Variants in PDZD2 observed in about 807,000 individuals in gnomAD.
PDZD2 encodes the protein PDZ domain-containing protein 2.
A neutral mutation model predicts 220.7 loss-of-function variants in PDZD2; 90 were observed. The ratio of observed to expected loss-of-function variants is 0.41; its 90% CI spans 0.34 to 0.49. The LOEUF is 0.49. Ranked by LOEUF, PDZD2 falls within the 20% of genes least tolerant of loss-of-function variation. The pLI is 0.28. For synonymous variants in PDZD2, 1,375 were observed against 1,450.5 expected (o/e 0.95, Z 1.18); for missense variants, 3,174 against 3,608.5 (o/e 0.88, Z 3.08).
intron 2 of PDZD2, among the ~76,000 whole-genome samples, chr5:31,967,998 G>A (rs1472234003): frequency 3.3e-5 from 5 of 152,188 alleles, no homozygotes; most frequent in Non-Finnish European, 5.9e-5. Flanking sequence ...ATACACAACT[G>A]CTATAGACTG....
intron 1 of PDZD2, among the ~76,000 whole-genome samples, chr5:31,789,812 G>A (rs1481264804): frequency 2.6e-5 from 4 of 152,104 alleles, no homozygotes; most frequent in African/African-American, 4.8e-5. Flanking sequence ...CAGCTGCTTG[G>A]GAGGCTGAGG....
intron 14 of PDZD2, among the ~76,000 whole-genome samples, chr5:32,068,441 C>T (rs573065422): frequency 6.6e-6 from 1 of 152,354 alleles, no homozygotes; most frequent in Admixed American, 6.5e-5. Context: ...TCACCATGCA[C>T]ACTATTACAT....
At chr5:31,957,075 A>G (rs1581158149) in intron 2 of PDZD2, among the ~76,000 whole-genome samples, 3 of 152,136 alleles carry the variant, frequency 2.0e-5, no homozygotes, top group South Asian at 4.1e-4. Context: ...ATTAGGTGCA[A>G]AACAGTTCTG....
rs551255965 is a variant in PDZD2 at position 31,963,044 on chromosome 5, T to C, written c.477-20111T>C. Among the ~76,000 whole-genome samples the C allele has an allele frequency of 3.5e-3, 538 of 152,314 alleles. 2 individuals carry two copies. Among genetic ancestry groups the C allele is most frequent in the African/African-American group, 0.013 (526 of 41,568 alleles). On this transcript the variant is annotated intron_variant, in intron 2 of 24. Coordinates refer to ENST00000438447, the MANE Select transcript of PDZD2 (RefSeq NM_178140.4). ...ATTTCCTGCTGAGAACACTTGGTAA[T>C]GAAGTGAGTTCCTAGTACTCTAAAA... is the stretch of plus-strand genomic sequence containing the variant.
intron 1 of PDZD2, among the ~76,000 whole-genome samples, chr5:31,708,876 G>GT (rs760638995): frequency 1.3e-5 from 2 of 148,722 alleles, no homozygotes; most frequent in African/African-American, 5.0e-5. Flanking sequence ...CAGCAAATGT[G>GT]TTTTGTTTTT....
chr5:31,855,181 C>T, intron 2 of PDZD2: 1 of 905,332 alleles, frequency 1.1e-6, no homozygotes, highest in Non-Finnish European at 1.3e-6. Flanking sequence ...AGGAAATCGG[C>T]TTCTCAGGCG....
chr5:31,725,724 G>T, intron 1 of PDZD2: 1 of 878,304 alleles, frequency 1.1e-6, no homozygotes, highest in Non-Finnish European at 1.9e-6. Flanking sequence ...TGAGATGCAG[G>T]CCTGCAACGT....
intron 1 of PDZD2, among the ~76,000 whole-genome samples, chr5:31,694,629 A>G (rs1472222622): frequency 1.3e-5 from 2 of 152,082 alleles, no homozygotes; most frequent in Non-Finnish European, 2.9e-5. Context: ...TGGAGAGGAA[A>G]TGGGACTGGG....
intron 3 of PDZD2, among the ~76,000 whole-genome samples, chr5:31,993,992 GTTTA>G (rs138101923): frequency 0.018 from 2,809 of 152,138 alleles, 80 homozygotes; most frequent in African/African-American, 0.065. Flanking sequence ...ACATTGATTA[GTTTA>G]TTTATTTATT....
intron 1 of PDZD2, among the ~76,000 whole-genome samples, chr5:31,680,031 C>A (rs939925516): frequency 6.6e-6 from 1 of 152,222 alleles, no homozygotes; most frequent in Non-Finnish European, 1.5e-5. Context: ...TCTTCTAGAG[C>A]ATTTTTCTTG....
At position 31,983,445 on chromosome 5, in the gene PDZD2, C is replaced by T. The variant is rs745708159; in HGVS notation, c.767C>T (p.Pro256Leu). ...PSTELENGPD[P>L]ELGNGHVFQL... Reference sequence around the variant, plus strand: ...ACTGAGCTGGAGAACGGCCCTGACCCTGAACTTGGAAACGGCCATGTCTTT... The same window carrying T: ...ACTGAGCTGGAGAACGGCCCTGACCTTGAACTTGGAAACGGCCATGTCTTT... Residue 256 changes from proline to leucine, a missense_variant, in exon 3 of 25, where the codon CCT becomes CTT. By Grantham distance (98) the Pro-to-Leu change is moderately conservative (BLOSUM62 -3). This residue lies in a region of PDZD2 where 632 missense variants were observed against 708.1 expected (regional missense o/e 0.89). Coordinates refer to ENST00000438447, the MANE Select transcript of PDZD2 (RefSeq NM_178140.4). The T allele has an allele frequency of 1.2e-6, 2 of 1,614,210 alleles. No individual in the cohort carries two copies. The highest frequency in any genetic ancestry group is 1.7e-6 in the Non-Finnish European group (2 of 1,180,028).
At chr5:31,769,432 T>C (rs1231353329) in intron 1 of PDZD2, among the ~76,000 whole-genome samples, 1 of 152,210 alleles carries the variant, frequency 6.6e-6, no homozygotes, top group East Asian at 1.9e-4. Context: ...TGTTTCCCGA[T>C]TACGAATTGT....
intron 24 of PDZD2, among the ~76,000 whole-genome samples, chr5:32,105,383 G>A (rs1177220115): frequency 6.6e-6 from 1 of 152,164 alleles, no homozygotes; most frequent in African/African-American, 2.4e-5. Context: ...CTCATACTAT[G>A]ATGTGTTGGC....
chr5:32,101,828 G>A lies in PDZD2; in HGVS notation c.8353+589G>A, dbSNP rs16889451. 9.3e-3 allele frequency among the ~76,000 whole-genome samples: 1,412 copies of A among 152,122 alleles called. 12 individuals carry two copies. The highest frequency in any genetic ancestry group is 0.014 in the South Asian group (66 of 4,818). ...CATAATTCATTTTTTGGTCTTGGGC[G>A]GTTTTTCAAAATCTTATATTAACTC... On this transcript the variant is annotated intron_variant, in intron 24 of 24. Coordinates refer to ENST00000438447, the MANE Select transcript of PDZD2 (RefSeq NM_178140.4).
chr5:31,680,630 T>G (rs930566952), intron 1 of PDZD2, among the ~76,000 whole-genome samples: 17 of 152,234 alleles, frequency 1.1e-4, no homozygotes, highest in African/African-American at 3.9e-4. Context: ...GGCCAGACCC[T>G]GGTGGTGAAC....
At chr5:31,910,030 C>T (rs1050428798) in intron 2 of PDZD2, among the ~76,000 whole-genome samples, 1 of 152,158 alleles carries the variant, frequency 6.6e-6, no homozygotes, top group Non-Finnish European at 1.5e-5. Flanking sequence ...CAAATACTGT[C>T]ATCGGTGCCT....
chr5:32,048,705 C>G (rs1738223399), intron 8 of PDZD2, 21 bp downstream of exon 8: 2 of 1,612,826 alleles, frequency 1.2e-6, no homozygotes, highest in Admixed American at 1.7e-5. Context: ...GGCTGTGGAT[C>G]TTTTCAAAGA....
At chr5:31,895,422 A>G (rs1252099551) in intron 2 of PDZD2, among the ~76,000 whole-genome samples, 2 of 152,296 alleles carry the variant, frequency 1.3e-5, no homozygotes, top group Non-Finnish European at 1.5e-5. Context: ...ACAGCCATCT[A>G]TGAATGACCT....
intron 3 of PDZD2, among the ~76,000 whole-genome samples, chr5:31,987,371 C>T (rs976367110): frequency 6.6e-6 from 1 of 152,218 alleles, no homozygotes; most frequent in Non-Finnish European, 1.5e-5. Flanking sequence ...AGTGGTTCAG[C>T]AGAGACCTCA....
Sources: allele counts gnomAD v4.1 joint callset (sites outside exome capture counted in the v4.1 genomes callset), GRCh38; gene constraint gnomAD v4.1.1; regional missense constraint gnomAD v4.1.1; transcripts MANE v1.5; gene names NCBI Gene and HGNC (gene_info 2026-07-23, HGNC 2026-07-21).